CSMD3: variants seen among roughly 807,000 people sequenced by gnomAD.
CSMD3 encodes the protein CUB and sushi domain-containing protein 3.
CSMD3 carries 177 observed loss-of-function variants against 435.2 expected under a neutral mutation model. The ratio of observed to expected loss-of-function variants is 0.41; its 90% CI spans 0.36 to 0.46. CSMD3 has a LOEUF of 0.46. Among genes scored for constraint, CSMD3 ranks in the 20% least tolerant of loss-of-function variants. CSMD3 has a pLI of 0.34. For synonymous variants in CSMD3, 1,656 were observed against 1,520.5 expected (o/e 1.09, Z -2.07); for missense variants, 4,265 against 4,504.6 (o/e 0.95, Z 1.52).
At chr8:112,615,799 C>T (rs757641859) in intron 22 of CSMD3, among the ~76,000 whole-genome samples, 12 of 151,884 alleles carry the variant, frequency 7.9e-5, no homozygotes, top group South Asian at 2.1e-4. Context: ...AACAAAGGAA[C>T]GGTGAAAATA....
intron 27 of CSMD3, among the ~76,000 whole-genome samples, chr8:112,542,797 A>T (rs1406891095): frequency 6.6e-6 from 1 of 152,104 alleles, no homozygotes; most frequent in African/African-American, 2.4e-5. Context: ...AAGGCATCAG[A>T]CCTCCTCATT....
intron 22 of CSMD3, among the ~76,000 whole-genome samples, chr8:112,598,145 A>C (rs1487151627): frequency 7.7e-5 from 11 of 142,266 alleles, no homozygotes; most frequent in East Asian, 2.1e-4. Context: ...AAATCTCCTT[A>C]AGCTGATAAG....
chr8:113,128,330 C>T (rs1220015422), intron 4 of CSMD3, among the ~76,000 whole-genome samples: 2 of 151,856 alleles, frequency 1.3e-5, no homozygotes, highest in Admixed American at 6.6e-5. Context: ...AAAAAATACA[C>T]ATTTATAGTT....
intron 5 of CSMD3, among the ~76,000 whole-genome samples, chr8:113,089,032 G>A (rs1157900228): frequency 2.6e-5 from 4 of 151,620 alleles, no homozygotes; most frequent in African/African-American, 7.3e-5. Flanking sequence ...TCTTTTTTTC[G>A]TGTTCTTTCT....
At chr8:112,884,589 A>G (rs1298899666) in intron 10 of CSMD3, among the ~76,000 whole-genome samples, 2 of 151,718 alleles carry the variant, frequency 1.3e-5, no homozygotes, top group African/African-American at 4.8e-5. Flanking sequence ...GTGACAATCA[A>G]ACTTGTTCCC....
At chr8:113,233,534 AT>A (rs1156871083) in intron 3 of CSMD3, among the ~76,000 whole-genome samples, 1 of 151,034 alleles carries the variant, frequency 6.6e-6, no homozygotes, top group Non-Finnish European at 1.5e-5. Flanking sequence ...TTATAAAAAT[AT>A]TTACATGATA....
intron 31 of CSMD3, among the ~76,000 whole-genome samples, chr8:112,491,219 C>A (rs1586497020): frequency 6.6e-6 from 1 of 152,090 alleles, no homozygotes; most frequent in East Asian, 1.9e-4. Context: ...TTTATTTTCA[C>A]TGAAATTAAT....
chr8:113,384,328 A>G (rs1437456389), intron 1 of CSMD3, among the ~76,000 whole-genome samples: 3 of 152,216 alleles, frequency 2.0e-5, no homozygotes, highest in African/African-American at 4.8e-5. Flanking sequence ...GTTTCCTCTA[A>G]GAGAAAGCAC....
rs1286824001 is a variant in CSMD3, at chr8:113,022,394, A to G, written c.918-3215T>C. 3.3e-5 allele frequency among the ~76,000 whole-genome samples: 5 copies of G among 152,218 alleles called. No individual in the cohort carries two copies. The East Asian group carries it at 9.6e-4, about 29-fold the overall frequency. On this transcript the variant is annotated intron_variant, in intron 5 of 70. Transcript: ENST00000297405. The stretch of plus-strand genomic sequence containing the variant: ...TTTACCAAACATTAACTATATGACA[A>G]ATACCAATGGTAAAGGTTGGAAATA...
chr8:112,506,835 A>G lies in CSMD3; in HGVS notation c.4757-6T>C, dbSNP rs1208082259. The G allele has an allele frequency of 4.2e-5, 67 of 1,609,418 alleles. No individual in the cohort carries two copies. Among genetic ancestry groups the G allele is most frequent in the Non-Finnish European group, 5.6e-5 (66 of 1,176,974 alleles). On this transcript the variant is annotated splice_region_variant and splice_polypyrimidine_tract_variant and intron_variant, in intron 28 of 70. Coordinates refer to ENST00000297405, the MANE Select transcript of CSMD3 (RefSeq NM_198123.2). Reference sequence around the variant, plus strand: ...TAAATTGCCTCCACAGGGTGCTTTAATTTAAACAAACAAATAAAATCTCTT... The same window carrying G: ...TAAATTGCCTCCACAGGGTGCTTTAGTTTAAACAAACAAATAAAATCTCTT...
rs758502651 is a variant in CSMD3, at chr8:113,314,596, G to A, written c.376C>T (p.Pro126Ser). ...YDYLSLYDGH[P>S]HPTNFRTRLT... ...CTTGTCCTAAAGTTTGTAGGATGAG[G>A]ATGTCCATCATATAATGATAAGTAG... Residue 126 changes from proline to serine, a missense_variant, in exon 2 of 71, where the codon CCT becomes TCT. Coordinates refer to ENST00000297405, the MANE Select transcript of CSMD3 (RefSeq NM_198123.2). The A allele has an allele frequency of 2.4e-5, 39 of 1,603,394 alleles. No individual in the cohort carries two copies. The highest frequency in any genetic ancestry group is 3.0e-5 in the Non-Finnish European group (35 of 1,170,602).
intron 10 of CSMD3, among the ~76,000 whole-genome samples, chr8:112,918,988 C>A (rs1371713961): frequency 6.6e-6 from 1 of 151,934 alleles, no homozygotes; most frequent in Non-Finnish European, 1.5e-5. Flanking sequence ...TTTAAAACTT[C>A]AATTACTATT....
intron 5 of CSMD3, among the ~76,000 whole-genome samples, chr8:113,031,061 T>C (rs1471820469): frequency 6.6e-6 from 1 of 151,660 alleles, no homozygotes; most frequent in African/African-American, 2.4e-5. Flanking sequence ...TAAAATGGTA[T>C]ACCAACACTG....
At chr8:112,263,520 T>C (rs530889852) in intron 61 of CSMD3, 119 bp downstream of exon 61, 12 of 788,510 alleles carry the variant, frequency 1.5e-5, no homozygotes, top group South Asian at 1.3e-4. Context: ...GCTACATTGG[T>C]AAATACTGAT....
At chr8:113,205,155 T>C (rs1453634594) in intron 3 of CSMD3, among the ~76,000 whole-genome samples, 1 of 152,118 alleles carries the variant, frequency 6.6e-6, no homozygotes, top group Non-Finnish European at 1.5e-5. Context: ...GGCTAATTTT[T>C]GTATTTTAGT....
intron 32 of CSMD3, among the ~76,000 whole-genome samples, chr8:112,461,698 C>T (rs1230131981): frequency 6.6e-6 from 1 of 152,072 alleles, no homozygotes; most frequent in Non-Finnish European, 1.5e-5. Context: ...AACTGACCAT[C>T]ACGGATATTC....
intron 42 of CSMD3, 34 bp downstream of exon 42, chr8:112,341,443 T>A (rs1825105315): frequency 7.8e-7 from 1 of 1,282,432 alleles, no homozygotes; most frequent in Admixed American, 1.7e-5. Context: ...GATTTGGGGT[T>A]ATATAAATTT....
At chr8:113,309,963 C>A (rs1374853070) in intron 2 of CSMD3, 1 of 152,122 alleles carries the variant, frequency 6.6e-6, no homozygotes, top group Non-Finnish European at 1.5e-5. Flanking sequence ...TACTGATGAA[C>A]TGTATAATAA....
intron 4 of CSMD3, among the ~76,000 whole-genome samples, chr8:113,130,291 C>T (rs962025832): frequency 6.6e-6 from 1 of 151,902 alleles, no homozygotes; most frequent in Non-Finnish European, 1.5e-5. Context: ...TATTTGTGTC[C>T]CCATCCAAAT....
Sources: allele counts gnomAD v4.1 joint callset (sites outside exome capture counted in the v4.1 genomes callset), GRCh38; gene constraint gnomAD v4.1.1; transcripts MANE v1.5; gene names NCBI Gene and HGNC (gene_info 2026-07-23, HGNC 2026-07-21).